Variants in PIWIL2 observed in about 807,000 individuals in gnomAD.
PIWIL2 encodes piwi like RNA-mediated gene silencing 2.
Under a neutral mutation model 116.5 loss-of-function variants are expected in PIWIL2, and 81 were observed. The ratio of observed to expected loss-of-function variants is 0.70; its 90% confidence interval spans 0.58 to 0.84. The LOEUF (loss-of-function observed/expected upper bound fraction) is 0.84. Ranked by LOEUF, PIWIL2 falls within the 40% of genes least tolerant of loss-of-function variation. The pLI, the probability that PIWIL2 is intolerant of heterozygous loss-of-function variation, is 0.00. For missense variants in PIWIL2, 1,272 were observed against 1,212.3 expected (o/e 1.05, Z -0.73); for synonymous variants, 489 against 429.5 (o/e 1.14, Z -1.71).
intron 20 of PIWIL2, among the ~76,000 whole-genome samples, chr8:22,351,440 CATATATATATATATATATATATATAT>C (rs71544885): frequency 0.13 from 7,006 of 53,270 alleles, 873 homozygotes; most frequent in East Asian, 0.27. Flanking sequence ...TGCATACATA[CATATATATATATATATATATATATAT>C]ATATATATAT....
In PIWIL2 at chr8:22,284,254, A is replaced by T. The variant is rs1221857023; in HGVS notation, c.725A>T (p.Gln242Leu). The stretch of plus-strand genomic sequence containing the variant: ...CAGTGTCATAATGAAGCAGTTTATC[A>T]ATATCATGTGACTTTCAGGTATTCA... ...KIQCHNEAVY[Q>L]YHVTFSPNVE... The change falls in exon 6 of 23, where the codon CAA becomes CTA. Residue 242 changes from glutamine (Q) to leucine (L), a missense_variant. Gln to Leu is a moderately radical substitution (Grantham distance 113). Transcript: ENST00000356766. 1 of 1,582,456 alleles carries T rather than the reference A, an allele frequency of 6.3e-7. No individual in the cohort carries two copies. Among genetic ancestry groups the T allele is most frequent in the Non-Finnish European group, 8.6e-7 (1 of 1,156,708 alleles).
intron 19 of PIWIL2, among the ~76,000 whole-genome samples, chr8:22,317,610 T>G (rs1831491825): frequency 6.6e-6 from 1 of 152,188 alleles, no homozygotes; most frequent in Non-Finnish European, 1.5e-5. Context: ...TTGGAGCAGT[T>G]TTTGTAGGAA....
rs369979223 is a variant in PIWIL2 at position 22,355,401 on chromosome 8, G to A, written c.2818G>A (p.Val940Ile). The change falls in exon 23 of 23, where the codon GTT becomes ATT. Residue 940 changes from valine (V) to isoleucine (I), a missense_variant. Transcript: ENST00000356766. ...CTGGAATTGGCCTGGCACCATCAGA[G>A]TTCCAGCTCCTTGCAAGTATGCCCA... ...MYWNWPGTIR[V>I]PAPCKYAHKL... 1.3e-5 allele frequency: 21 copies of A among 1,614,054 alleles called. No homozygotes were observed. In the African/African-American group the frequency reaches 2.7e-4, roughly 21 times the overall value.
chr8:22,351,132 C>G (rs1471735002), intron 20 of PIWIL2, among the ~76,000 whole-genome samples: 1 of 151,766 alleles, frequency 6.6e-6, no homozygotes, highest in Non-Finnish European at 1.5e-5. Flanking sequence ...GCCTGGGCAA[C>G]AGAGCGAGAC....
At chr8:22,344,843 T>A (rs981906597) in intron 20 of PIWIL2, among the ~76,000 whole-genome samples, 8 of 152,270 alleles carry the variant, frequency 5.3e-5, no homozygotes, top group African/African-American at 1.9e-4. Flanking sequence ...GCCGCTGCAC[T>A]CCAGCCTTGG....
chr8:22,295,461 C>G (rs1186480838), intron 10 of PIWIL2, among the ~76,000 whole-genome samples: 1 of 152,124 alleles, frequency 6.6e-6, no homozygotes, highest in Non-Finnish European at 1.5e-5. Context: ...AGTTTCATTC[C>G]CCTCCCGTCC....
At chr8:22,281,055 A>G (rs1830487360) in intron 2 of PIWIL2, 65 bp from the exon 3 acceptor site, 1 of 898,770 alleles carries the variant, frequency 1.1e-6, no homozygotes. Context: ...TACCAAGACT[A>G]AGAAAGCCCT....
At position 22,309,957 on chromosome 8, in the gene PIWIL2, T is replaced by G; in HGVS notation, c.1687-4T>G. ...ATGTCATAGATGGTTTATTTTCTGT[T>G]TAGATTGAAGGACGTGTTCTGCCAA... On this transcript the variant is annotated splice_region_variant and splice_polypyrimidine_tract_variant and intron_variant, in intron 14 of 22. Transcript: ENST00000356766. The G allele has an allele frequency of 5.8e-6, 9 of 1,551,686 alleles. No individual in the cohort carries two copies. The highest frequency in any genetic ancestry group is 8.0e-6 in the Non-Finnish European group (9 of 1,123,670).
At chr8:22,347,515 C>T (rs1222824231) in intron 20 of PIWIL2, among the ~76,000 whole-genome samples, 3 of 127,500 alleles carry the variant, frequency 2.4e-5, no homozygotes, top group Non-Finnish European at 4.9e-5. Context: ...CTGTGCCTGG[C>T]CTTTTTTTTT....
At position 22,308,040 on chromosome 8, in the gene PIWIL2, T is replaced by C; in HGVS notation, c.1653T>C (p.Arg551=). 6 of 1,613,982 alleles carry C rather than the reference T, an allele frequency of 3.7e-6. No individual in the cohort carries two copies. The highest frequency in any genetic ancestry group is 1.1e-5 in the South Asian group (1 of 91,046). ...KNEAATNELM[R]WGLRLQKDVH... is the part of the protein sequence containing the mutation. Reference sequence around the variant, plus strand: ...AGGCAGCCACCAATGAACTGATGCGTTGGGGGCTCCGTCTGCAAAAGGATG... The same window carrying C: ...AGGCAGCCACCAATGAACTGATGCGCTGGGGGCTCCGTCTGCAAAAGGATG... Residue 551 remains arginine (R), a synonymous_variant, in exon 14 of 23, where the codon CGT becomes CGC. Transcript: ENST00000356766.
intron 11 of PIWIL2, among the ~76,000 whole-genome samples, 175 bp from the exon 12 acceptor site, chr8:22,304,609 A>T (rs1831131203): frequency 6.6e-6 from 1 of 152,122 alleles, no homozygotes; most frequent in South Asian, 2.1e-4. Flanking sequence ...ATTGCAACAT[A>T]ATTTGAGCCT....
chr8:22,341,299 TAAAAA>T (rs769390524), intron 20 of PIWIL2, among the ~76,000 whole-genome samples: 1 of 141,990 alleles, frequency 7.0e-6, no homozygotes, highest in Non-Finnish European at 1.5e-5. Context: ...ATTCATGATT[TAAAAA>T]AAAAAAAAAG....
chr8:22,337,783 CAG>C (rs557437795), intron 20 of PIWIL2, among the ~76,000 whole-genome samples: 1 of 151,246 alleles, frequency 6.6e-6, no homozygotes, highest in African/African-American at 2.4e-5. Flanking sequence ...CTGGAAATGA[CAG>C]AGCATTGTTA....
Position 22,304,091 on chromosome 8 carries a change from G to T in PIWIL2, c.1252G>T (p.Val418Phe). 1 of 1,612,896 alleles carries T rather than the reference G, an allele frequency of 6.2e-7. No homozygotes were observed. Among genetic ancestry groups the T allele is most frequent in the Non-Finnish European group, 8.5e-7 (1 of 1,178,910 alleles). Residue 418 changes from valine (V) to phenylalanine (F), a missense_variant, in exon 11 of 23, where the codon GTT becomes TTT. Transcript: ENST00000356766. Reference protein sequence around the residue: ...ECTKLLVGNIVITRYNNRTYR... With the variant: ...ECTKLLVGNIFITRYNNRTYR... ...TACTAAGCTTCTGGTTGGCAATATTGTTATCACCCGATATAACAATCGTAC... is the reference window on the plus strand; with the variant it reads ...TACTAAGCTTCTGGTTGGCAATATTTTTATCACCCGATATAACAATCGTAC...
intron 19 of PIWIL2, 85 bp downstream of exon 19, chr8:22,316,418 A>G (rs1586572283): frequency 1.2e-6 from 1 of 840,956 alleles, no homozygotes; most frequent in Non-Finnish European, 2.0e-6. Context: ...TCTTTTTAGC[A>G]TTATGTATTA....
chr8:22,307,473 ATTTTTTTTTTTTT>A (rs56755716), intron 13 of PIWIL2, among the ~76,000 whole-genome samples: 3 of 111,258 alleles, frequency 2.7e-5, no homozygotes, highest in Non-Finnish European at 1.7e-5. Context: ...TTTATTATTC[ATTTTTTTTTTTTT>A]TTTTTTTTTT....
At chr8:22,294,870 A>G (rs759739733) in intron 10 of PIWIL2, among the ~76,000 whole-genome samples, 7 of 130,428 alleles carry the variant, frequency 5.4e-5, no homozygotes, top group African/African-American at 1.9e-4. Flanking sequence ...AGACCAGTCT[A>G]GCCAACATGG....
rs1308244764 is a variant in PIWIL2, at chr8:22,292,380, A to G, written c.1181+2034A>G. 3.3e-5 allele frequency among the ~76,000 whole-genome samples: 5 copies of G among 152,350 alleles called. No homozygotes were observed. The East Asian group carries it at 9.6e-4, about 29-fold the overall frequency. On this transcript the variant is annotated intron_variant, in intron 10 of 22. Coordinates refer to ENST00000356766, the MANE Select transcript of PIWIL2 (RefSeq NM_018068.5). ...GAGGCTGTGGTAATCCAGTGGAGCCATGAGGATGGTAGCGATGGAGGTGGT... is the reference window on the plus strand; with the variant it reads ...GAGGCTGTGGTAATCCAGTGGAGCCGTGAGGATGGTAGCGATGGAGGTGGT...
At chr8:22,326,222 A>T (rs1831721295) in intron 20 of PIWIL2, among the ~76,000 whole-genome samples, 1 of 152,036 alleles carries the variant, frequency 6.6e-6, no homozygotes, top group Non-Finnish European at 1.5e-5. Flanking sequence ...AAAAAAAAAA[A>T]AAATTGAGGT....
Sources: allele counts gnomAD v4.1 joint callset (sites outside exome capture counted in the v4.1 genomes callset), GRCh38; gene constraint gnomAD v4.1.1; transcripts MANE v1.5; gene names NCBI Gene and HGNC (gene_info 2026-07-23, HGNC 2026-07-21).